The following DBT variants were observed in gnomAD, a reference collection of about 807,000 sequenced individuals.
DBT encodes the protein dihydrolipoamide branched chain transacylase E2.
Under a neutral mutation model 51.3 loss-of-function variants are expected in DBT, and 40 were observed. That is an observed-to-expected ratio of 0.78 (90% confidence interval 0.61 to 1.02). DBT has a LOEUF of 1.02. Ranked by LOEUF, DBT falls within the 50% of genes least tolerant of loss-of-function variation. The pLI, the probability that DBT is intolerant of heterozygous loss-of-function variation, is 0.00. For synonymous variants in DBT, 181 were observed against 190.4 expected (o/e 0.95, Z 0.41); for missense variants, 510 against 580.2 (o/e 0.88, Z 1.24).
chr1:100,195,786 T>G lies in DBT; in HGVS notation c.*469A>C. The G allele has an allele frequency of 5.7e-6, 1 of 175,566 alleles. No individual in the cohort carries two copies. Among genetic ancestry groups the G allele is most frequent in the Non-Finnish European group, 1.2e-5 (1 of 81,948 alleles). 10.9% of individuals were successfully genotyped at this position (175,566 alleles called of 1,614,324 possible). A position where few individuals can be genotyped will look rare whatever the true frequency, so the allele number is the denominator to read the frequency against. On this transcript the variant is annotated 3_prime_UTR_variant, in exon 11 of 11. Transcript: ENST00000370132. ...TTCAAGCGATTCTCCTGCCTCAGCC[T>G]CCCAAGTAGCTGGGATTATAGGTAC... is the stretch of plus-strand genomic sequence containing the variant.
intron 10 of DBT, among the ~76,000 whole-genome samples, chr1:100,199,040 C>T (rs934744997): frequency 2.6e-5 from 4 of 152,160 alleles, no homozygotes; most frequent in Non-Finnish European, 4.4e-5. Context: ...TGGTCCTCAA[C>T]CCTGAATTAA....
At chr1:100,248,883 T>G (rs1388337839) in intron 1 of DBT, among the ~76,000 whole-genome samples, 2 of 152,202 alleles carry the variant, frequency 1.3e-5, no homozygotes, top group Non-Finnish European at 2.9e-5. Context: ...TCTAGGCACT[T>G]GTCCCATCAC....
At chr1:100,205,954 C>T (rs1174673714) in intron 10 of DBT, among the ~76,000 whole-genome samples, 3 of 151,502 alleles carry the variant, frequency 2.0e-5, no homozygotes, top group African/African-American at 4.9e-5. Flanking sequence ...GGAGGAATAT[C>T]ACTAGAAGAA....
chr1:100,206,356 A>G, intron 9 of DBT, 55 bp from the exon 10 acceptor site: 1 of 1,572,090 alleles, frequency 6.4e-7, no homozygotes, highest in South Asian at 1.1e-5. Context: ...TTTTCAGGGA[A>G]CAAATGCCAA....
At chr1:100,210,349 T>TAAG (rs544501157) in intron 8 of DBT, among the ~76,000 whole-genome samples, 3 of 127,728 alleles carry the variant, frequency 2.3e-5, no homozygotes, top group African/African-American at 5.8e-5. Context: ...AGAAGAAGAA[T>TAAG]AAGAATAATA....
intron 4 of DBT, among the ~76,000 whole-genome samples, chr1:100,226,449 A>G (rs532365024): frequency 6.6e-6 from 1 of 150,590 alleles, no homozygotes; most frequent in South Asian, 2.1e-4. Context: ...ACACCTGGCT[A>G]TTTTTTTTTA....
intron 10 of DBT, 55 bp downstream of exon 10, chr1:100,206,175 T>C (rs1661769831): frequency 2.6e-6 from 3 of 1,168,664 alleles, no homozygotes; most frequent in Non-Finnish European, 3.9e-6. Context: ...CTCTTCATTG[T>C]GTTTAGTCCC....
intron 4 of DBT, among the ~76,000 whole-genome samples, chr1:100,224,432 T>C (rs912100700): frequency 2.0e-5 from 3 of 152,208 alleles, no homozygotes; most frequent in Admixed American, 1.3e-4. Flanking sequence ...CCTGCTTATT[T>C]GATACATGGG....
At chr1:100,238,356 C>A (rs918276473) in intron 2 of DBT, among the ~76,000 whole-genome samples, 1 of 137,844 alleles carries the variant, frequency 7.3e-6, no homozygotes, top group Admixed American at 7.3e-5. Flanking sequence ...CCCTTCCCGT[C>A]CTGTCTCATC....
chr1:100,200,556 C>T (rs1255651792), intron 10 of DBT, among the ~76,000 whole-genome samples: 5 of 152,224 alleles, frequency 3.3e-5, no homozygotes, highest in Admixed American at 1.3e-4. Flanking sequence ...TTGAGCTCTG[C>T]TAAGGGACAG....
intron 10 of DBT, among the ~76,000 whole-genome samples, 157 bp downstream of exon 10, chr1:100,206,073 A>T (rs1335776568): frequency 1.3e-4 from 7 of 55,232 alleles, no homozygotes; most frequent in African/African-American, 3.2e-4. Flanking sequence ...ACTTAAAGTT[A>T]AAAAAAAAAA....
At chr1:100,223,317 A>T (rs1436678800) in intron 4 of DBT, among the ~76,000 whole-genome samples, 2 of 152,196 alleles carry the variant, frequency 1.3e-5, no homozygotes, top group Non-Finnish European at 2.9e-5. Flanking sequence ...AGCATCTGTC[A>T]CCACATCAGC....
At chr1:100,237,673 C>G (rs1471006348) in intron 2 of DBT, among the ~76,000 whole-genome samples, 1 of 152,118 alleles carries the variant, frequency 6.6e-6, no homozygotes, top group Non-Finnish European at 1.5e-5. Context: ...GGGTCTCACT[C>G]TGTTGCCCAG....
chr1:100,244,831 CTACAG>C (rs1262399738), intron 1 of DBT, among the ~76,000 whole-genome samples: 1 of 152,084 alleles, frequency 6.6e-6, no homozygotes, highest in African/African-American at 2.4e-5. Flanking sequence ...TATTTTCAGA[CTACAG>C]TAGATCATGG....
intron 4 of DBT, among the ~76,000 whole-genome samples, chr1:100,222,626 G>GTA (rs926466207): frequency 1.3e-5 from 2 of 152,190 alleles, no homozygotes; most frequent in Non-Finnish European, 2.9e-5. Context: ...TAAATGAGAT[G>GTA]TATATATAGT....
chr1:100,234,375 C>T (rs1663729745), intron 3 of DBT, among the ~76,000 whole-genome samples: 1 of 151,914 alleles, frequency 6.6e-6, no homozygotes, highest in Admixed American at 6.6e-5. Context: ...GTGGCTCATG[C>T]CTGTAATCCC....
intron 4 of DBT, among the ~76,000 whole-genome samples, chr1:100,224,942 C>T (rs1663080013): frequency 1.3e-5 from 2 of 148,388 alleles, no homozygotes; most frequent in Admixed American, 6.8e-5. Context: ...TCGCTTAAAC[C>T]AGGGAGTTGG....
In DBT at chr1:100,235,507, G is replaced by T; in HGVS notation, c.180C>A (p.Leu60=). The change falls in exon 3 of 11, where the codon CTC becomes CTA. Residue 60 remains leucine (L), a synonymous_variant. Transcript: ENST00000370132. ...GCTTGAACTGAACAACCTGTCCACG[G>T]AGAGCTTCAAAGACAAATGAGAAAT... is the stretch of plus-strand genomic sequence containing the variant. The part of the protein sequence containing the change: ...PHHFLKTTAA[L]RGQVVQFKLS... The T allele has an allele frequency of 6.4e-7, 1 of 1,571,098 alleles. No individual in the cohort carries two copies. Among genetic ancestry groups the T allele is most frequent in the Non-Finnish European group, 8.8e-7 (1 of 1,142,554 alleles).
chr1:100,234,358 G>A (rs1010919575), intron 3 of DBT, among the ~76,000 whole-genome samples: 1 of 152,052 alleles, frequency 6.6e-6, no homozygotes, highest in African/African-American at 2.4e-5. Context: ...AAAAAAAGCT[G>A]GGTGCAGTGG....
Sources: allele counts gnomAD v4.1 joint callset (sites outside exome capture counted in the v4.1 genomes callset), GRCh38; gene constraint gnomAD v4.1.1; transcripts MANE v1.5; gene names NCBI Gene and HGNC (gene_info 2026-07-23, HGNC 2026-07-21).